LINGO1: variants seen among roughly 807,000 people sequenced by gnomAD.
LINGO1 encodes the protein leucine-rich repeat and immunoglobulin-like domain-containing nogo receptor-interacting protein 1.
LINGO1 carries 11 observed loss-of-function variants against 37.3 expected under a neutral mutation model. The observed-to-expected ratio is 0.29, with a 90% CI of 0.19 to 0.49. The LOEUF (loss-of-function observed/expected upper bound fraction) is 0.49, where lower values mean the gene tolerates loss of function less well. Among genes scored for constraint, LINGO1 ranks in the 20% least tolerant of loss-of-function variants. LINGO1 has a pLI of 0.99. For synonymous variants in LINGO1, 387 were observed against 403.0 expected, an observed-to-expected ratio of 0.96 and a Z score of 0.48; for missense variants, 585 against 878.2, an observed-to-expected ratio of 0.67 and a Z score of 4.22.
rs1477354909 is a variant in LINGO1, at chr15:77,615,716, G to A, written c.191C>T (p.Ala64Val). ...CTCGGTGGGGATGCCCTCGGGGACT[G>A]CCACAAAGCGCTTGCGGTGGCACAG... ...AVLCHRKRFVAVPEGIPTETR... is the reference protein window; with the variant it reads ...AVLCHRKRFVVVPEGIPTETR... The change falls in exon 2 of 2, where the codon GCA becomes GTA. Residue 64 changes from alanine to valine, a missense_variant. Physicochemically the swap from Ala to Val is moderately conservative, Grantham distance 64 (BLOSUM62 0). Around this residue, in one of 4 missense-constraint regions of LINGO1, gnomAD observed 484 missense variants for 735.0 expected, o/e 0.66. Transcript: ENST00000355300. 1 of 1,597,470 alleles carries A rather than the reference G, an allele frequency of 6.3e-7. No homozygotes were observed. Among genetic ancestry groups the A allele is most frequent in the Non-Finnish European group, 8.5e-7 (1 of 1,173,672 alleles).
intron 2 of LINGO1, among the ~76,000 whole-genome samples, chr15:77,727,733 T>A (rs2141325543): frequency 6.6e-6 from 1 of 151,872 alleles, no homozygotes; most frequent in Admixed American, 6.5e-5. Flanking sequence ...TATGTTTTTT[T>A]TTTACCATAA....
Position 77,614,735 on chromosome 15 carries a change from C to T in LINGO1, c.1172G>A (p.Arg391Gln), listed in dbSNP as rs201438433. The change falls in exon 2 of 2, where the codon CGG (arginine) becomes CAG (glutamine). Residue 391 changes from arginine to glutamine, a missense_variant. Around this residue, in one of 4 missense-constraint regions of LINGO1, gnomAD observed 484 missense variants for 735.0 expected, o/e 0.66. Coordinates refer to ENST00000355300, the MANE Select transcript of LINGO1 (RefSeq NM_032808.7). ...FRRRWRLNFN[R>Q]QQPTCATPEF... is the part of the protein sequence containing the mutation. ...GGGCGTGGCGCACGTGGGCTGCTGC[C>T]GGTTGAAGTTGAGCCGCCAGCGGCG... The T allele has an allele frequency of 9.0e-5, 145 of 1,606,672 alleles. 1 individual carries two copies. Among genetic ancestry groups the T allele is most frequent in the Non-Finnish European group, 1.2e-4 (139 of 1,176,800 alleles).
chr15:77,752,599 C>T (rs1385852885), intron 1 of LINGO1, among the ~76,000 whole-genome samples: 1 of 152,232 alleles, frequency 6.6e-6, no homozygotes, highest in Admixed American at 6.5e-5. Context: ...ACAAAGGCCC[C>T]ATAGACAACC....
At chr15:77,743,855 T>C (rs2076288268) in intron 1 of LINGO1, among the ~76,000 whole-genome samples, 1 of 152,166 alleles carries the variant, frequency 6.6e-6, no homozygotes, top group East Asian at 1.9e-4. Flanking sequence ...GAACAGAAGA[T>C]GGAGGTGTGA....
chr15:77,683,080 C>G (rs968648328), intron 2 of LINGO1, among the ~76,000 whole-genome samples: 1 of 152,190 alleles, frequency 6.6e-6, no homozygotes, highest in African/African-American at 2.4e-5. Flanking sequence ...AGGACGTGAA[C>G]AGTCCATTCA....
chr15:77,635,058 ACCCCC>A (rs2074369583), upstream of LINGO1, among the ~76,000 whole-genome samples: 4 of 151,894 alleles, frequency 2.6e-5, no homozygotes, highest in Non-Finnish European at 4.4e-5. Context: ...CACCCCGCTA[ACCCCC>A]AGGTGCTACC....
At chr15:77,635,745 T>C (rs2074384539), upstream of LINGO1, among the ~76,000 whole-genome samples, 1 of 145,686 alleles carries the variant, frequency 6.9e-6, no homozygotes, top group Admixed American at 6.6e-5. Context: ...GAAATGACAT[T>C]AGAGGCAAGG....
intron 1 of LINGO1, among the ~76,000 whole-genome samples, chr15:77,737,346 G>A (rs539950310): frequency 3.3e-5 from 5 of 152,232 alleles, no homozygotes; most frequent in African/African-American, 1.2e-4. Flanking sequence ...AGGTTATGCT[G>A]CTTGCCCAAA....
At chr15:77,702,450 G>C (rs928095078) in intron 2 of LINGO1, among the ~76,000 whole-genome samples, 1 of 152,118 alleles carries the variant, frequency 6.6e-6, no homozygotes, top group East Asian at 1.9e-4. Flanking sequence ...CACCCCAGGG[G>C]CCTGGGGAGG....
chr15:77,628,322 A>G (rs2142574592), intron 1 of LINGO1, among the ~76,000 whole-genome samples: 1 of 152,326 alleles, frequency 6.6e-6, no homozygotes, highest in South Asian at 2.1e-4. Context: ...CATTGGTAGG[A>G]GAATGTTAAT....
At chr15:77,754,274 G>C (rs1254760456) in intron 1 of LINGO1, among the ~76,000 whole-genome samples, 1 of 150,244 alleles carries the variant, frequency 6.7e-6, no homozygotes, top group African/African-American at 2.5e-5. Context: ...ATGGCAAGAA[G>C]TGTGGAGGGA....
intron 1 of LINGO1, among the ~76,000 whole-genome samples, chr15:77,803,477 A>G (rs1350763870): frequency 6.6e-6 from 1 of 152,096 alleles, no homozygotes; most frequent in East Asian, 1.9e-4. Context: ...ATCTGAAGAA[A>G]AAAAAAAAAG....
intron 1 of LINGO1, among the ~76,000 whole-genome samples, chr15:77,749,773 A>G (rs1260913382): frequency 6.6e-6 from 1 of 152,154 alleles, no homozygotes; most frequent in Non-Finnish European, 1.5e-5. Flanking sequence ...TTGGCCATAG[A>G]GTTAGTCAAA....
intron 3 of LINGO1, chr15:77,641,775 T>C (rs896343831): frequency 2.3e-6 from 1 of 443,130 alleles, no homozygotes; most frequent in Non-Finnish European, 4.6e-6. Context: ...GAAACGGGGC[T>C]GTGGCTGTCC....
chr15:77,745,125 TAA>T (rs74707319), intron 1 of LINGO1, among the ~76,000 whole-genome samples: 33 of 91,018 alleles, frequency 3.6e-4, no homozygotes, highest in Admixed American at 4.8e-4. Context: ...GACTCTGTCT[TAA>T]AAAAAAAAAA....
At chr15:77,651,972 G>A (rs2074766503) in intron 3 of LINGO1, 2 of 152,192 alleles carry the variant, frequency 1.3e-5, no homozygotes, top group South Asian at 4.1e-4. Context: ...AAACTCTGGT[G>A]AAGTCAAGAA....
intron 1 of LINGO1, among the ~76,000 whole-genome samples, chr15:77,818,974 C>T (rs1435360916): frequency 6.6e-6 from 1 of 151,830 alleles, no homozygotes; most frequent in East Asian, 1.9e-4. Flanking sequence ...CCACCCCTCC[C>T]GGCCCGCCGC....
chr15:77,756,481 GACAGACACACACAC>G (rs1567565958), intron 1 of LINGO1, among the ~76,000 whole-genome samples: 2 of 128,158 alleles, frequency 1.6e-5, no homozygotes, highest in Non-Finnish European at 3.3e-5. Flanking sequence ...ATGACAGACA[GACAGACACACACAC>G]ACACACACAC....
intron 2 of LINGO1, among the ~76,000 whole-genome samples, chr15:77,679,091 G>A (rs1596095896): frequency 6.6e-6 from 1 of 152,040 alleles, no homozygotes; most frequent in Admixed American, 6.5e-5. Context: ...AGTAGAGATG[G>A]GGTTTCACCA....
Sources: allele counts gnomAD v4.1 joint callset (sites outside exome capture counted in the v4.1 genomes callset), GRCh38; gene constraint gnomAD v4.1.1; regional missense constraint gnomAD v4.1.1; transcripts MANE v1.5; gene names NCBI Gene and HGNC (gene_info 2026-07-23, HGNC 2026-07-21).